The following SLC35F2 variants were observed in gnomAD, a reference collection of about 807,000 sequenced individuals.
SLC35F2 encodes the protein solute carrier family 35 member F2, also known as queuine/queuosine transporter SLC35F2.
Under a neutral mutation model 38.1 loss-of-function variants are expected in SLC35F2, and 25 were observed. The ratio of observed to expected loss-of-function variants is 0.66; its 90% CI spans 0.48 to 0.92. SLC35F2 has a LOEUF of 0.92. Among genes scored for constraint, SLC35F2 ranks in the 40% least tolerant of loss-of-function variants. SLC35F2 has a pLI of 0.00. For synonymous variants in SLC35F2, 173 were observed against 181.7 expected (o/e 0.95, Z 0.38); for missense variants, 409 against 452.9 (o/e 0.90, Z 0.88).
At position 107,843,859 on chromosome 11, in the gene SLC35F2, AAAAAAAAAAATAT is replaced by A. The variant is rs1230035695; in HGVS notation, c.110+14786_110+14798del. Among the ~76,000 whole-genome samples the A allele has an allele frequency of 1.5e-4, 6 of 38,798 alleles. No individual in the cohort carries two copies. The East Asian group carries it at 5.3e-3, about 34-fold the overall frequency. 25.5% of individuals were successfully genotyped at this position (38,798 alleles called of 152,430 possible). ...GACTCTGTATCTTAAAAAAAAAAAAAAAAAAAAAAATATATATATATATATATATATATATATA... is the reference window on the plus strand; with the variant it reads ...GACTCTGTATCTTAAAAAAAAAAAAAATATATATATATATATATATATATA... On this transcript the variant is annotated intron_variant, in intron 1 of 7. Coordinates refer to ENST00000525815, the MANE Select transcript of SLC35F2 (RefSeq NM_017515.5).
At chr11:107,798,099 G>A (rs1565426675) in intron 7 of SLC35F2, among the ~76,000 whole-genome samples, 1 of 152,034 alleles carries the variant, frequency 6.6e-6, no homozygotes, top group Non-Finnish European at 1.5e-5. Context: ...TACCTCCTGG[G>A]CTCAAGCAAT....
At chr11:107,830,777 C>A (rs1859827339) in intron 1 of SLC35F2, among the ~76,000 whole-genome samples, 1 of 151,948 alleles carries the variant, frequency 6.6e-6, no homozygotes, top group African/African-American at 2.4e-5. Flanking sequence ...CAATCATTTT[C>A]TCTTGCTAAT....
chr11:107,811,902 T>TTTCTTC (rs1035497869), intron 2 of SLC35F2, 108 bp from the exon 3 acceptor site: 2 of 1,069,756 alleles, frequency 1.9e-6, no homozygotes, highest in East Asian at 2.5e-5. Context: ...TTTTTTCTTT[T>TTTCTTC]TTCTTCTTCT....
Position 107,821,549 on chromosome 11 carries a change from T to C in SLC35F2, c.111-5584A>G. ...GACACTGAAGGCCTCAAAACAATTT[T>C]TGTTACTTATAGCTCCACTTTCATG... On this transcript the variant is annotated intron_variant, in intron 1 of 7. Transcript: ENST00000525815. 9 of 985,416 alleles carry C rather than the reference T, an allele frequency of 9.1e-6. No individual in the cohort carries two copies. The South Asian group carries it at 3.8e-4, about 41-fold the overall frequency. The allele number at this position is 985,416 out of a possible 1,614,324, so 61.0% of individuals were successfully genotyped here. A position where few individuals can be genotyped will look rare whatever the true frequency, so the allele number is the denominator to read the frequency against.
intron 1 of SLC35F2, among the ~76,000 whole-genome samples, chr11:107,822,536 G>A (rs940749937): frequency 6.6e-6 from 1 of 151,978 alleles, no homozygotes; most frequent in East Asian, 1.9e-4. Context: ...ACACATCGGG[G>A]AGCTCCACTG....
chr11:107,812,754 A>G (rs1286837983), intron 2 of SLC35F2, among the ~76,000 whole-genome samples: 1 of 152,184 alleles, frequency 6.6e-6, no homozygotes, highest in African/African-American at 2.4e-5. Flanking sequence ...ATGAGCTTGT[A>G]TGTCGCCACT....
chr11:107,843,789 G>A (rs1372379552), intron 1 of SLC35F2, among the ~76,000 whole-genome samples: 1 of 139,388 alleles, frequency 7.2e-6, no homozygotes, highest in Non-Finnish European at 1.5e-5. Flanking sequence ...AGGCTGCAGT[G>A]AACTATGATC....
chr11:107,841,545 A>C (rs1316312699), intron 1 of SLC35F2, among the ~76,000 whole-genome samples: 2 of 131,340 alleles, frequency 1.5e-5, no homozygotes, highest in Non-Finnish European at 3.3e-5. Context: ...CCTAGACGAA[A>C]GAGACTCCAA....
At chr11:107,830,429 C>T (rs1170895936) in intron 1 of SLC35F2, among the ~76,000 whole-genome samples, 1 of 151,612 alleles carries the variant, frequency 6.6e-6, no homozygotes, top group Non-Finnish European at 1.5e-5. Flanking sequence ...ACTAAAAACA[C>T]AAAAATTAGC....
At chr11:107,852,137 G>T (rs1860197311) in intron 1 of SLC35F2, among the ~76,000 whole-genome samples, 1 of 152,206 alleles carries the variant, frequency 6.6e-6, no homozygotes, top group East Asian at 1.9e-4. Flanking sequence ...GTGGGTGTTG[G>T]CCAGGCGTGG....
chr11:107,832,488 T>C (rs1859860218), intron 1 of SLC35F2, among the ~76,000 whole-genome samples: 1 of 152,164 alleles, frequency 6.6e-6, no homozygotes, highest in Non-Finnish European at 1.5e-5. Context: ...ATTCTGTACA[T>C]ACTAGTTTTC....
At chr11:107,818,325 G>A (rs192697528) in intron 1 of SLC35F2, among the ~76,000 whole-genome samples, 169 of 152,244 alleles carry the variant, frequency 1.1e-3, no homozygotes, top group African/African-American at 3.9e-3. Flanking sequence ...CAGCTAGTGG[G>A]GAGGCTGAGG....
chr11:107,810,861 A>T (rs904987923), intron 3 of SLC35F2: 19 of 982,006 alleles, frequency 1.9e-5, no homozygotes, highest in Non-Finnish European at 2.2e-5. Context: ...TTTGGAGTCA[A>T]GTAAGAACAT....
intron 5 of SLC35F2, 143 bp from the exon 6 acceptor site, chr11:107,804,913 T>C (rs1859369669): frequency 1.7e-6 from 2 of 1,169,848 alleles, no homozygotes; most frequent in African/African-American, 1.6e-5. Flanking sequence ...TAACGATCTT[T>C]AATAAAAATG....
intron 1 of SLC35F2, among the ~76,000 whole-genome samples, chr11:107,833,629 C>T (rs1159205614): frequency 1.3e-5 from 2 of 151,908 alleles, no homozygotes; most frequent in East Asian, 3.9e-4. Context: ...AAGTAGAGTG[C>T]TTTTGCTAAC....
chr11:107,806,970 G>C (rs771775748), intron 3 of SLC35F2, 94 bp from the exon 4 acceptor site: 10 of 1,150,484 alleles, frequency 8.7e-6, no homozygotes, highest in Non-Finnish European at 1.2e-5. Context: ...TTTATAATAG[G>C]AGTCAGTATT....
chr11:107,823,939 A>G (rs888903950), intron 1 of SLC35F2: 29 of 948,276 alleles, frequency 3.1e-5, no homozygotes, highest in Admixed American at 6.2e-5. Context: ...AAAAAAAAAA[A>G]AAAAGAAAAA....
In SLC35F2 at chr11:107,831,673, C is replaced by T. The variant is rs150603416; in HGVS notation, c.111-15708G>A. On this transcript the variant is annotated intron_variant, in intron 1 of 7. Transcript: ENST00000525815. ...TAGGTTTTTCTTTTGAGATGGTTGT[C>T]TTGTGACCATCTGTCAAAGTTAGCA... Among the ~76,000 whole-genome samples, 4 of 152,328 alleles carry T rather than the reference C, an allele frequency of 2.6e-5. No homozygotes were observed. The East Asian group carries it at 7.7e-4, about 29-fold the overall frequency.
At chr11:107,821,055 A>G (rs114174409) in intron 1 of SLC35F2, among the ~76,000 whole-genome samples, 1,890 of 152,272 alleles carry the variant, frequency 0.012, 59 homozygotes, top group African/African-American at 0.044. Context: ...CAGTAGTCAC[A>G]CTGCTTCCCT....
Sources: allele counts gnomAD v4.1 joint callset (sites outside exome capture counted in the v4.1 genomes callset), GRCh38; gene constraint gnomAD v4.1.1; transcripts MANE v1.5; gene names NCBI Gene and HGNC (gene_info 2026-07-23, HGNC 2026-07-21).